The following CHIA variants were observed in gnomAD, a reference collection of about 807,000 sequenced individuals.
CHIA encodes the protein chitinase acidic.
In CHIA, 47 loss-of-function variants were observed where a neutral mutation model predicts 53.5. That is an observed-to-expected ratio of 0.88 (90% CI 0.70 to 1.12). The LOEUF (loss-of-function observed/expected upper bound fraction) is 1.12. CHIA is among the 50% of genes most tolerant of loss of function. The pLI is 0.00. For missense variants in CHIA, 652 were observed against 592.2 expected (o/e 1.10, Z -1.05); for synonymous variants, 268 against 222.2 (o/e 1.21, Z -1.83).
At chr1:111,291,442 T>C (rs1166221731) in intron 1 of CHIA, among the ~76,000 whole-genome samples, 1 of 150,442 alleles carries the variant, frequency 6.6e-6, no homozygotes, top group East Asian at 2.0e-4. Context: ...TTCTCACTCA[T>C]AAGATGGAGT....
chr1:111,300,442 T>C (rs547300914), intron 1 of CHIA, among the ~76,000 whole-genome samples: 18 of 152,262 alleles, frequency 1.2e-4, no homozygotes, highest in South Asian at 8.3e-4. Context: ...TCTACAACCA[T>C]CTGATCTTTG....
At chr1:111,319,499 A>G (rs1199494307) in intron 11 of CHIA, 31 bp downstream of exon 11, 2 of 1,608,714 alleles carry the variant, frequency 1.2e-6, no homozygotes. Context: ...GCCCAGGTGT[A>G]TAAATACCCC....
At chr1:111,317,526 TC>T in intron 6 of CHIA, 154 bp from the exon 7 acceptor site, 1 of 764,942 alleles carries the variant, frequency 1.3e-6, no homozygotes, top group Non-Finnish European at 2.1e-6. Flanking sequence ...ATCTATCCGA[TC>T]TACTTTATTT....
At chr1:111,292,751 C>T (rs1231502544) in intron 1 of CHIA, among the ~76,000 whole-genome samples, 1 of 152,116 alleles carries the variant, frequency 6.6e-6, no homozygotes, top group Non-Finnish European at 1.5e-5. Flanking sequence ...CCATTTCCCC[C>T]TCCCCCAGCT....
chr1:111,303,420 C>T (rs1027328214), intron 1 of CHIA, among the ~76,000 whole-genome samples: 1 of 152,040 alleles, frequency 6.6e-6, no homozygotes, highest in African/African-American at 2.4e-5. Flanking sequence ...TATACACACA[C>T]ACACATATAC....
rs1278692288 is a variant in CHIA, at chr1:111,317,442, T to C, written c.481-239T>C. 7.2e-6 allele frequency: 3 copies of C among 414,322 alleles called. No homozygotes were observed. The Admixed American group carries it at 1.1e-4, about 15-fold the overall frequency. The allele number at this position is 414,322 out of a possible 1,614,324, so 25.7% of individuals were successfully genotyped here. ...TGGGTTTTGGTCATGACCTACCTAC[T>C]AACTCAGTGTGGGACTTTGGTGAAG... On this transcript the variant is annotated intron_variant, in intron 6 of 11. Coordinates refer to ENST00000369740, the MANE Select transcript of CHIA (RefSeq NM_201653.4).
chr1:111,291,011 A>T, intron 1 of CHIA, 61 bp downstream of exon 1: 1 of 364,424 alleles, frequency 2.7e-6, no homozygotes, highest in Non-Finnish European at 5.4e-6. Context: ...TTTGATTGTT[A>T]TATCAATTTG....
Position 111,320,307 on chromosome 1 carries a change from G to C in CHIA, c.1272G>C (p.Ser424=). 1 of 1,614,054 alleles carries C rather than the reference G, an allele frequency of 6.2e-7. No individual in the cohort carries two copies. The highest frequency in any genetic ancestry group is 8.5e-7 in the Non-Finnish European group (1 of 1,180,038). Residue 424 remains serine (S), a synonymous_variant, in exon 12 of 12, where the codon TCG becomes TCC. Transcript: ENST00000369740. ...GSGSSSSGGS[S]GGSGFCAVRA... ...GGAGTAGCAGCTCTGGAGGCAGCTC[G>C]GGAGGCAGTGGATTCTGTGCTGTCA... is the stretch of plus-strand genomic sequence containing the variant.
At chr1:111,312,552 A>G (rs1424605105) in intron 4 of CHIA, among the ~76,000 whole-genome samples, 161 bp downstream of exon 4, 1 of 152,192 alleles carries the variant, frequency 6.6e-6, no homozygotes, top group East Asian at 1.9e-4. Flanking sequence ...TGTGTTTACT[A>G]TGGACAATGT....
At chr1:111,293,684 G>A (rs1661165714) in intron 1 of CHIA, among the ~76,000 whole-genome samples, 1 of 152,160 alleles carries the variant, frequency 6.6e-6, no homozygotes, top group Non-Finnish European at 1.5e-5. Context: ...TGAACTGTTT[G>A]CCCTATGTTT....
intron 1 of CHIA, among the ~76,000 whole-genome samples, chr1:111,297,362 C>G (rs1293371511): frequency 1.3e-5 from 2 of 152,214 alleles, no homozygotes; most frequent in African/African-American, 4.8e-5. Flanking sequence ...ACCCATTGGA[C>G]TAACAGCGGA....
chr1:111,291,194 A>G (rs1016362510), intron 1 of CHIA, among the ~76,000 whole-genome samples: 8 of 152,288 alleles, frequency 5.3e-5, no homozygotes, highest in Admixed American at 3.3e-4. Context: ...TCATTCTACT[A>G]TAAAGACACA....
In CHIA at chr1:111,317,769, A is replaced by G; in HGVS notation, c.569A>G (p.Asn190Ser). The G allele has an allele frequency of 6.2e-7, 1 of 1,613,748 alleles. No individual in the cohort carries two copies. ...GCTGCAGTAGCTGCTGGCATCTCCA[A>G]TATCCAGTCTGGCTATGAGATCCCC... is the stretch of plus-strand genomic sequence containing the variant. ...VTAAVAAGISNIQSGYEIPQL... is the reference protein window; with the variant it reads ...VTAAVAAGISSIQSGYEIPQL... Residue 190 changes from asparagine (N) to serine (S), a missense_variant, in exon 7 of 12, where the codon AAT becomes AGT. By Grantham distance (46) the Asn-to-Ser change is conservative (BLOSUM62 1). Coordinates refer to ENST00000369740, the MANE Select transcript of CHIA (RefSeq NM_201653.4).
intron 1 of CHIA, among the ~76,000 whole-genome samples, chr1:111,291,835 G>A (rs957833032): frequency 5.3e-5 from 8 of 150,570 alleles, no homozygotes; most frequent in South Asian, 4.2e-4. Flanking sequence ...CCTGTCGGGG[G>A]GGGGTGGGGG....
chr1:111,319,292 G>C (rs1172172778), intron 10 of CHIA, 35 bp from the exon 11 acceptor site: 5 of 1,613,980 alleles, frequency 3.1e-6, no homozygotes, highest in Non-Finnish European at 4.2e-6. Context: ...TCCCAGGAAA[G>C]CAAGTGATTC....
rs1169004322 is a variant in CHIA, at chr1:111,304,057, T to C, written c.-68-6343T>C. Among the ~76,000 whole-genome samples, 6 of 152,208 alleles carry C rather than the reference T, an allele frequency of 3.9e-5. 1 individual carries two copies. ...TTTCTTTTAGAACTTTGAATCTATCTGCCAACTGCCTTCTGGCCTCTAAAG... is the reference window on the plus strand; with the variant it reads ...TTTCTTTTAGAACTTTGAATCTATCCGCCAACTGCCTTCTGGCCTCTAAAG... On this transcript the variant is annotated intron_variant, in intron 1 of 11. Transcript: ENST00000369740.
chr1:111,302,324 A>AATT (rs1294646789), intron 1 of CHIA, among the ~76,000 whole-genome samples: 1 of 151,792 alleles, frequency 6.6e-6, no homozygotes, highest in Non-Finnish European at 1.5e-5. Context: ...TTCTTTTTCT[A>AATT]GCTCCTTAGG....
chr1:111,297,901 CAAAAAA>C (rs1188512345), intron 1 of CHIA, among the ~76,000 whole-genome samples: 2 of 31,852 alleles, frequency 6.3e-5, no homozygotes, highest in African/African-American at 2.9e-4. Context: ...AAATGGAAAG[CAAAAAA>C]AAAAAAAAAA....
chr1:111,302,502 C>A (rs1647839445), intron 1 of CHIA, among the ~76,000 whole-genome samples: 1 of 152,146 alleles, frequency 6.6e-6, no homozygotes, highest in South Asian at 2.1e-4. Flanking sequence ...ATGACTACTT[C>A]TTTAATCTAT....
Sources: gnomAD v4.1 joint callset for allele counts (sites outside exome capture counted in the v4.1 genomes callset) on GRCh38, gnomAD v4.1.1 for gene constraint, MANE v1.5 for transcripts, NCBI Gene and HGNC (gene_info 2026-07-23, HGNC 2026-07-21) for gene names.